The following SLC1A2 variants were observed in gnomAD, a reference collection of about 807,000 sequenced individuals.
SLC1A2 encodes excitatory amino acid transporter 2.
In SLC1A2, 15 loss-of-function variants were observed where a neutral mutation model predicts 48.8. The observed-to-expected ratio is 0.31, with a 90% CI of 0.21 to 0.47. The LOEUF is 0.47. Among genes scored for constraint, SLC1A2 ranks in the 20% least tolerant of loss-of-function variants. The pLI is 0.99. For synonymous variants in SLC1A2, 279 were observed against 272.6 expected, an observed-to-expected ratio of 1.02 and a Z score of -0.23; for missense variants, 502 against 730.5, an observed-to-expected ratio of 0.69 and a Z score of 3.61.
chr11:35,342,523 T>TG (rs3045689), intron 1 of SLC1A2, among the ~76,000 whole-genome samples: 2 of 17,088 alleles, frequency 1.2e-4, no homozygotes, highest in Admixed American at 7.1e-4. Context: ...GTGTTTTTTT[T>TG]GTTGTTGTTG....
intron 1 of SLC1A2, among the ~76,000 whole-genome samples, chr11:35,326,252 C>T (rs931048538): frequency 6.6e-6 from 1 of 152,194 alleles, no homozygotes; most frequent in Non-Finnish European, 1.5e-5. Context: ...GCATCAACAT[C>T]TCTAAATTGG....
At chr11:35,287,320 A>G (rs1202457648) in intron 7 of SLC1A2, among the ~76,000 whole-genome samples, 3 of 152,168 alleles carry the variant, frequency 2.0e-5, no homozygotes, top group Non-Finnish European at 4.4e-5. Flanking sequence ...CTATGTCAGA[A>G]AAGAATCAGC....
At chr11:35,362,194 A>G (rs1853706624) in intron 1 of SLC1A2, among the ~76,000 whole-genome samples, 2 of 152,214 alleles carry the variant, frequency 1.3e-5, no homozygotes, top group African/African-American at 4.8e-5. Context: ...GGCCTGATGC[A>G]GAGCTCTGCT....
At chr11:35,371,546 C>T (rs904059327) in intron 1 of SLC1A2, among the ~76,000 whole-genome samples, 1 of 152,184 alleles carries the variant, frequency 6.6e-6, no homozygotes, top group African/African-American at 2.4e-5. Context: ...GGGAACACAC[C>T]CATGATGCCT....
intron 10 of SLC1A2, among the ~76,000 whole-genome samples, chr11:35,263,051 T>C (rs1012057650): frequency 2.0e-5 from 3 of 152,228 alleles, no homozygotes; most frequent in African/African-American, 7.2e-5. Flanking sequence ...CCAGACACTA[T>C]TTTAGGGCTG....
intron 1 of SLC1A2, among the ~76,000 whole-genome samples, chr11:35,372,209 G>C (rs965234942): frequency 1.3e-5 from 2 of 152,234 alleles, no homozygotes; most frequent in African/African-American, 4.8e-5. Context: ...GGCCTCTCTT[G>C]TCTCTTAGGA....
intron 1 of SLC1A2, among the ~76,000 whole-genome samples, chr11:35,405,649 C>A (rs1357865167): frequency 6.6e-6 from 1 of 152,206 alleles, no homozygotes; most frequent in Non-Finnish European, 1.5e-5. Context: ...TTTAAAAGAA[C>A]TGCAGATACA....
rs1190502169 is a variant in SLC1A2, at chr11:35,265,673, T to C, written c.1507A>G (p.Thr503Ala). 3 of 1,613,360 alleles carry C rather than the reference T, an allele frequency of 1.9e-6. No homozygotes were observed. In the Admixed American group the frequency reaches 5.0e-5, roughly 27 times the overall value. The change falls in exon 10 of 11, where the codon ACC becomes GCC. Residue 503 changes from threonine to alanine, a missense_variant. Transcript: ENST00000278379. ...TGCACTCGATGCTGGGAGTCAATGG[T>C]ATCCAGCTCAGACTTGGAGAGGTGA... Reference protein sequence around the residue: ...VYHLSKSELDTIDSQHRVHED... With the variant: ...VYHLSKSELDAIDSQHRVHED...
At chr11:35,323,662 T>G (rs969568314) in intron 1 of SLC1A2, among the ~76,000 whole-genome samples, 1 of 152,176 alleles carries the variant, frequency 6.6e-6, no homozygotes, top group Admixed American at 6.5e-5. Context: ...AGACAAGTCA[T>G]TTCATTCGCC....
intron 7 of SLC1A2, among the ~76,000 whole-genome samples, chr11:35,289,428 T>C (rs1026208503): frequency 3.4e-5 from 5 of 148,696 alleles, no homozygotes; most frequent in Non-Finnish European, 7.4e-5. Context: ...ACATTTTAAC[T>C]AAAGATTAAA....
At chr11:35,397,891 C>G (rs1200853706) in intron 1 of SLC1A2, among the ~76,000 whole-genome samples, 1 of 152,172 alleles carries the variant, frequency 6.6e-6, no homozygotes. Context: ...TTTAAGCCAC[C>G]CAGTTTATGG....
intron 1 of SLC1A2, among the ~76,000 whole-genome samples, chr11:35,326,168 G>A (rs1852245420): frequency 6.6e-6 from 1 of 152,118 alleles, no homozygotes; most frequent in Admixed American, 6.6e-5. Flanking sequence ...ACCCAACAAG[G>A]CCTTTGGGGA....
intron 9 of SLC1A2, among the ~76,000 whole-genome samples, chr11:35,274,376 C>T (rs1565206307): frequency 6.6e-6 from 1 of 152,128 alleles, no homozygotes; most frequent in African/African-American, 2.4e-5. Flanking sequence ...GGAAAAGGGG[C>T]CACATTCCAT....
intron 9 of SLC1A2, among the ~76,000 whole-genome samples, chr11:35,272,801 T>G (rs763201459): frequency 2.6e-5 from 4 of 152,174 alleles, no homozygotes; most frequent in Non-Finnish European, 5.9e-5. Context: ...ATCTTGCATT[T>G]CATGGGTTTT....
At chr11:35,347,708 C>A (rs1404361827) in intron 1 of SLC1A2, among the ~76,000 whole-genome samples, 1 of 152,186 alleles carries the variant, frequency 6.6e-6, no homozygotes, top group Non-Finnish European at 1.5e-5. Flanking sequence ...CTGAGCCAGG[C>A]AGGCACTGGG....
intron 2 of SLC1A2, chr11:35,315,695 T>G (rs1851851456): frequency 6.6e-6 from 1 of 151,920 alleles, no homozygotes; most frequent in Non-Finnish European, 1.5e-5. Context: ...CTTGGGAGAC[T>G]GAGGCAGGAG....
At chr11:35,381,684 C>G (rs933320299) in intron 1 of SLC1A2, among the ~76,000 whole-genome samples, 1 of 152,188 alleles carries the variant, frequency 6.6e-6, no homozygotes, top group African/African-American at 2.4e-5. Flanking sequence ...AGGACACCAG[C>G]CCCCTCAGCG....
At position 35,265,594 on chromosome 11, in the gene SLC1A2, T is replaced by C; in HGVS notation, c.1586A>G (p.His529Arg). The C allele has an allele frequency of 1.2e-6, 2 of 1,612,874 alleles. No individual in the cohort carries two copies. The highest frequency in any genetic ancestry group is 1.7e-6 in the Non-Finnish European group (2 of 1,178,828). Residue 529 changes from histidine to arginine, a missense_variant, in exon 10 of 11, where the codon CAC becomes CGC. Transcript: ENST00000278379. The stretch of plus-strand genomic sequence containing the variant: ...ACATTGATTAGAGTTGCTTTCCCTG[T>C]GGTTCTTCATGTCATCATAAATGGA... ...TQSIYDDMKN[H>R]RESNSNQCVY...
intron 4 of SLC1A2, among the ~76,000 whole-genome samples, chr11:35,311,883 A>G (rs1591458721): frequency 1.6e-5 from 1 of 62,596 alleles, no homozygotes; most frequent in African/African-American, 4.9e-5. Flanking sequence ...AGAGAGAGAG[A>G]GAGAGAGAGG....
Sources: allele counts gnomAD v4.1 joint callset (sites outside exome capture counted in the v4.1 genomes callset), GRCh38; gene constraint gnomAD v4.1.1; transcripts MANE v1.5; gene names NCBI Gene and HGNC (gene_info 2026-07-23, HGNC 2026-07-21).